Variants in NRXN1 observed in about 807,000 individuals in gnomAD.
NRXN1 encodes neurexin 1, also known as neurexin-1.
Under a neutral mutation model 150.9 loss-of-function variants are expected in NRXN1, and 39 were observed. The observed-to-expected ratio is 0.26, with a 90% CI of 0.20 to 0.34. The LOEUF is 0.34. Among genes scored for constraint, NRXN1 ranks in the 10% least tolerant of loss-of-function variants. The pLI is 1.00. For missense variants in NRXN1, 1,815 were observed against 1,949.9 expected (o/e 0.93, Z 1.30); for synonymous variants, 924 against 757.0 (o/e 1.22, Z -3.62).
intron 5 of NRXN1, among the ~76,000 whole-genome samples, chr2:50,851,580 A>G (rs949281544): frequency 1.3e-5 from 2 of 152,124 alleles, no homozygotes; most frequent in Admixed American, 1.3e-4. Context: ...CCTGTACATC[A>G]GGATACACAA....
chr2:50,203,821 C>T (rs1187202120), intron 18 of NRXN1, among the ~76,000 whole-genome samples: 1 of 152,058 alleles, frequency 6.6e-6, no homozygotes, highest in Admixed American at 6.6e-5. Context: ...TTTCTTAGAG[C>T]TGAAAACTGT....
At chr2:50,757,109 G>C (rs1435731016) in intron 5 of NRXN1, among the ~76,000 whole-genome samples, 1 of 151,846 alleles carries the variant, frequency 6.6e-6, no homozygotes, top group Non-Finnish European at 1.5e-5. Context: ...TCTATATTAA[G>C]AGAGTATGTG....
At chr2:50,994,250 A>T (rs921053569) in intron 2 of NRXN1, among the ~76,000 whole-genome samples, 2 of 151,716 alleles carry the variant, frequency 1.3e-5, no homozygotes, top group Admixed American at 1.3e-4. Context: ...AAACAATCTC[A>T]CACACACACA....
intron 2 of NRXN1, among the ~76,000 whole-genome samples, chr2:50,995,909 T>C (rs1460281099): frequency 6.6e-6 from 1 of 151,912 alleles, no homozygotes; most frequent in African/African-American, 2.4e-5. Flanking sequence ...GGAGGGATCT[T>C]AAAGATAATA....
At position 49,922,237 on chromosome 2, in the gene NRXN1, C is replaced by T; in HGVS notation, c.4231G>A (p.Ala1411Thr). ...CCTGGATACGGCTCTCTGCCGCCTG[C>T]TCGGGTTGGGTTGGCTATAGAAAAG... ...SSGGLANPTR[A>T]GGREPYPGSA... The change falls in exon 23 of 23, where the codon GCA becomes ACA. Residue 1411 changes from alanine (A) to threonine (T), a missense_variant. Physicochemically the swap from Ala to Thr is moderately conservative, Grantham distance 58. This residue lies in a region of NRXN1 where 265 missense variants were observed against 307.1 expected (regional missense o/e 0.86). Coordinates refer to ENST00000401669, the MANE Select transcript of NRXN1 (RefSeq NM_001330078.2). 6.2e-7 allele frequency: 1 copy of T among 1,613,806 alleles called. No homozygotes were observed. Among genetic ancestry groups the T allele is most frequent in the Middle Eastern group, 1.6e-4 (1 of 6,062 alleles).
At chr2:50,769,210 T>C (rs74816675) in intron 5 of NRXN1, among the ~76,000 whole-genome samples, 1 of 152,122 alleles carries the variant, frequency 6.6e-6, no homozygotes, top group Non-Finnish European at 1.5e-5. Flanking sequence ...GTTCATACAG[T>C]ACCAAAAACA....
At chr2:50,465,884 T>G (rs1163928925) in intron 16 of NRXN1, among the ~76,000 whole-genome samples, 6 of 151,892 alleles carry the variant, frequency 4.0e-5, no homozygotes, top group African/African-American at 1.4e-4. Context: ...ATTTTGATTT[T>G]AGAAAATGAA....
chr2:49,920,365 T>C lies in NRXN1; in HGVS notation c.*1579A>G, dbSNP rs1009872935. ...ACATCAGATTCAGAGATATATATAT[T>C]ATTTTATTAGAAAGAAAGTTTTCAA... On this transcript the variant is annotated 3_prime_UTR_variant, in exon 23 of 23. Coordinates refer to ENST00000401669, the MANE Select transcript of NRXN1 (RefSeq NM_001330078.2). 6.5e-6 allele frequency: 1 copy of C among 152,714 alleles called. No homozygotes were observed. The highest frequency in any genetic ancestry group is 2.1e-4 in the South Asian group (1 of 4,828). 9.5% of individuals were successfully genotyped at this position (152,714 alleles called of 1,614,324 possible). A position where few individuals can be genotyped will look rare whatever the true frequency, so the allele number is the denominator to read the frequency against.
In NRXN1 at chr2:50,115,959, T is replaced by G. The variant is rs572908395; in HGVS notation, c.3547-24465A>C. Reference sequence around the variant, plus strand: ...CTTGGGGCTAAGCAATTATATTTGCTATCTTTTTAATACTAGTAGTCATAT... The same window carrying G: ...CTTGGGGCTAAGCAATTATATTTGCGATCTTTTTAATACTAGTAGTCATAT... On this transcript the variant is annotated intron_variant, in intron 18 of 22. Transcript: ENST00000401669. Among the ~76,000 whole-genome samples, 4 of 152,284 alleles carry G rather than the reference T, an allele frequency of 2.6e-5. No homozygotes were observed. In the East Asian group the frequency reaches 7.7e-4, roughly 29 times the overall value.
chr2:50,465,914 G>T (rs982242375), intron 16 of NRXN1, among the ~76,000 whole-genome samples: 3 of 151,724 alleles, frequency 2.0e-5, no homozygotes, highest in Non-Finnish European at 4.4e-5. Flanking sequence ...TTAACATTCT[G>T]ACCAATGAAT....
At chr2:50,312,173 C>T (rs2075239231) in intron 17 of NRXN1, among the ~76,000 whole-genome samples, 2 of 151,960 alleles carry the variant, frequency 1.3e-5, no homozygotes, top group African/African-American at 4.8e-5. Context: ...ATAGATTTAC[C>T]CTTTACCAGT....
chr2:49,954,235 T>A (rs1674517438), intron 21 of NRXN1, among the ~76,000 whole-genome samples: 1 of 152,066 alleles, frequency 6.6e-6, no homozygotes. Flanking sequence ...TTGGGCTGCT[T>A]CCTATTATGC....
intron 5 of NRXN1, among the ~76,000 whole-genome samples, chr2:50,836,032 G>A (rs965181894): frequency 9.2e-5 from 14 of 151,938 alleles, no homozygotes; most frequent in Non-Finnish European, 1.8e-4. Context: ...TTCTTTTCAC[G>A]TTTGTAAAAT....
chr2:50,282,425 C>A (rs1274716501), intron 17 of NRXN1, among the ~76,000 whole-genome samples: 1 of 152,100 alleles, frequency 6.6e-6, no homozygotes, highest in Non-Finnish European at 1.5e-5. Flanking sequence ...AAATACAAAT[C>A]TTTTTCAACC....
chr2:50,712,748 G>A (rs896499422), intron 5 of NRXN1, among the ~76,000 whole-genome samples: 1 of 152,072 alleles, frequency 6.6e-6, no homozygotes, highest in African/African-American at 2.4e-5. Context: ...TGTGAGCTTG[G>A]CAGCTTTGTG....
At chr2:50,370,714 A>T (rs925592675) in intron 17 of NRXN1, among the ~76,000 whole-genome samples, 3 of 152,046 alleles carry the variant, frequency 2.0e-5, no homozygotes, top group Non-Finnish European at 4.4e-5. Flanking sequence ...ACAGAAAAAG[A>T]AGATGAATTT....
At chr2:50,457,341 A>C (rs1422680263) in intron 17 of NRXN1, among the ~76,000 whole-genome samples, 1 of 152,170 alleles carries the variant, frequency 6.6e-6, no homozygotes, top group Admixed American at 6.6e-5. Flanking sequence ...TTTTGCAGCT[A>C]GGGAATTTCA....
chr2:50,243,127 A>T (rs1420620481), intron 17 of NRXN1, among the ~76,000 whole-genome samples: 1 of 151,802 alleles, frequency 6.6e-6, no homozygotes, highest in African/African-American at 2.4e-5. Context: ...TATGGTTAAT[A>T]TTATTATATT....
At chr2:50,873,874 T>G (rs534391012) in intron 5 of NRXN1, among the ~76,000 whole-genome samples, 108 of 151,784 alleles carry the variant, frequency 7.1e-4, no homozygotes, top group Admixed American at 3.3e-3. Flanking sequence ...AGGGAAGGAG[T>G]TGCTCAGAAA....
Sources: gnomAD v4.1 joint callset for allele counts (sites outside exome capture counted in the v4.1 genomes callset) on GRCh38, gnomAD v4.1.1 for gene constraint, gnomAD v4.1.1 regional missense constraint, MANE v1.5 for transcripts, NCBI Gene and HGNC (gene_info 2026-07-23, HGNC 2026-07-21) for gene names.